HEPH: variants seen among roughly 807,000 people sequenced by gnomAD.
The protein encoded by HEPH is hephaestin.
Under a neutral mutation model 80.8 loss-of-function variants are expected in HEPH, and 69 were observed. That is an observed-to-expected ratio of 0.85 (90% CI 0.70 to 1.04). HEPH has a LOEUF of 1.04. HEPH is among the 50% of genes least tolerant of loss of function. The pLI is 0.00. For missense variants in HEPH, 1,115 were observed against 891.3 expected (o/e 1.25, Z -3.20); for synonymous variants, 431 against 322.8 (o/e 1.34, Z -3.60).
At chrX:66,196,752 C>A (rs144537765) in intron 9 of HEPH, among the ~76,000 whole-genome samples, 5 of 111,844 alleles carry the variant, frequency 4.5e-5, no homozygotes, top group Non-Finnish European at 9.4e-5. Flanking sequence ...TGTAGGCAAA[C>A]GACAGCATCA....
At position 66,208,264 on chromosome X, in the gene HEPH, G is replaced by C; in HGVS notation, c.2563+18G>C. 1 of 1,197,869 alleles carries C rather than the reference G, an allele frequency of 8.3e-7. No individual in the cohort carries two copies. Among genetic ancestry groups the C allele is most frequent in the Non-Finnish European group, 1.1e-6 (1 of 888,398 alleles). ...TGAGCCTGGTGAGTGGGGACACTTA[G>C]TGAAAGAACAAAGGACATGCATCAC... On this transcript the variant is annotated intron_variant, in intron 15 of 20. Coordinates refer to ENST00000343002, the MANE Select transcript of HEPH (RefSeq NM_001367233.3).
intron 15 of HEPH, among the ~76,000 whole-genome samples, chrX:66,241,306 T>C (rs970350941): frequency 9.0e-6 from 1 of 111,630 alleles, no homozygotes; most frequent in South Asian, 3.8e-4. Flanking sequence ...TTAAAAGGCA[T>C]GGAGTGGCAA....
At chrX:66,255,231 G>C (rs1247664917) in intron 16 of HEPH, 90 bp downstream of exon 16, 3 of 507,734 alleles carry the variant, frequency 5.9e-6, no homozygotes, top group Non-Finnish European at 9.8e-6. Flanking sequence ...TTACTCCTGA[G>C]ATTCTAGAGC....
intron 15 of HEPH, among the ~76,000 whole-genome samples, chrX:66,247,088 T>G (rs1446812539): frequency 9.0e-6 from 1 of 111,674 alleles, no homozygotes; most frequent in South Asian, 3.8e-4. Flanking sequence ...TTGTTTTGCA[T>G]CTTTTCAGGT....
intron 9 of HEPH, among the ~76,000 whole-genome samples, chrX:66,197,397 A>G (rs1393056576): frequency 1.8e-5 from 2 of 111,279 alleles, no homozygotes; most frequent in Admixed American, 9.6e-5. Flanking sequence ...GATGTTCCAA[A>G]TAAGTCTTAA....
chrX:66,234,895 T>C (rs1018993082), intron 15 of HEPH, among the ~76,000 whole-genome samples: 1 of 110,738 alleles, frequency 9.0e-6, no homozygotes, highest in Non-Finnish European at 1.9e-5. Flanking sequence ...GTGATCTGCC[T>C]ACCTCAGCCT....
chrX:66,236,932 G>T (rs964930397), intron 15 of HEPH, among the ~76,000 whole-genome samples: 1 of 111,215 alleles, frequency 9.0e-6, no homozygotes, highest in Non-Finnish European at 1.9e-5. Flanking sequence ...ATTCTTTGTT[G>T]GCTATCTGTA....
chrX:66,193,622 G>C lies in HEPH; in HGVS notation c.1353G>C (p.Arg451Ser), dbSNP rs761001851. The change falls in exon 8 of 21, where the codon AGG becomes AGC. Residue 451 changes from arginine (R) to serine (S), a missense_variant. Transcript: ENST00000343002. The stretch of plus-strand genomic sequence containing the variant: ...AGAAGATGCATTTGGAGGAAGATAG[G>C]CATCTTGGAATCCTGGGTGAGGAAT... ...FQEKMHLEED[R>S]HLGILGPVIR... is the part of the protein sequence containing the mutation. 7 of 1,185,100 alleles carry C rather than the reference G, an allele frequency of 5.9e-6. No homozygotes were observed. In the African/African-American group the frequency reaches 7.1e-5, roughly 12 times the overall value.
At chrX:66,178,517 C>T (rs929854810) in intron 4 of HEPH, among the ~76,000 whole-genome samples, 1 of 112,390 alleles carries the variant, frequency 8.9e-6, no homozygotes, top group African/African-American at 3.2e-5. Flanking sequence ...GAGGAATCAC[C>T]ACACTGTCTT....
chrX:66,256,311 G>A lies in HEPH; in HGVS notation c.2877G>A (p.Leu959=). 2.5e-6 allele frequency: 3 copies of A among 1,206,013 alleles called. No homozygotes were observed. The highest frequency in any genetic ancestry group is 3.4e-6 in the Non-Finnish European group (3 of 890,863). Residue 959 remains leucine (L), a synonymous_variant, in exon 17 of 21, where the codon TTG becomes TTA. Transcript: ENST00000343002. ...GSINLQDETF[L]ESNKMHAING... is the part of the protein sequence containing the mutation. ...TTAACCTACAGGATGAAACTTTCTTGGAGAGCAATAAAATGCATGGTCAGT... is the reference window on the plus strand; with the variant it reads ...TTAACCTACAGGATGAAACTTTCTTAGAGAGCAATAAAATGCATGGTCAGT...
At chrX:66,189,156 C>G (rs1398221036) in intron 5 of HEPH, among the ~76,000 whole-genome samples, 2 of 112,101 alleles carry the variant, frequency 1.8e-5, no homozygotes, top group Admixed American at 9.4e-5. Flanking sequence ...CCATTCATGA[C>G]AGGGGTGGGC....
At chrX:66,208,971 C>T (rs1404320351) in intron 15 of HEPH, among the ~76,000 whole-genome samples, 1 of 109,632 alleles carries the variant, frequency 9.1e-6, no homozygotes, top group Admixed American at 9.9e-5. Flanking sequence ...GCTCCTAATA[C>T]TAAATATAGA....
chrX:66,201,772 TAGAA>T (rs1176986391), intron 12 of HEPH, among the ~76,000 whole-genome samples: 2 of 112,198 alleles, frequency 1.8e-5, no homozygotes, highest in African/African-American at 6.5e-5. Context: ...TCCTCAGAAA[TAGAA>T]AGGACAATTT....
rs754282849 is a variant in HEPH at position 66,188,411 on chromosome X, C to A, written c.678C>A (p.Phe226Leu). 8.3e-7 allele frequency: 1 copy of A among 1,204,118 alleles called. No homozygotes were observed. Among genetic ancestry groups the A allele is most frequent in the Non-Finnish European group, 1.1e-6 (1 of 891,423 alleles). ...AACGCCAGGATGTAGACCATGATTT[C>A]TTCCTCCTCTTCAGTGTGGTAGATG... ...PPQRQDVDHD[F>L]FLLFSVVDEN... is the part of the protein sequence containing the mutation. The change falls in exon 5 of 21, where the codon TTC (phenylalanine) becomes TTA (leucine). Residue 226 changes from phenylalanine (F) to leucine (L), a missense_variant. By Grantham distance (22) the Phe-to-Leu change is conservative. Coordinates refer to ENST00000343002, the MANE Select transcript of HEPH (RefSeq NM_001367233.3).
At chrX:66,208,381 G>A (rs1454745275) in intron 15 of HEPH, 135 bp downstream of exon 15, 7 of 593,764 alleles carry the variant, frequency 1.2e-5, no homozygotes, top group Non-Finnish European at 1.7e-5. Flanking sequence ...CAGTTTGAGA[G>A]GCTGAGGCGG....
Position 66,189,846 on chromosome X carries a change from A to T in HEPH, c.971A>T (p.Asn324Ile). Residue 324 changes from asparagine to isoleucine, a missense_variant, in exon 6 of 21, where the codon AAC becomes ATC. Around this residue, in one of 3 missense-constraint regions of HEPH, gnomAD observed 391 missense variants for 343.6 expected, o/e 1.14. Transcript: ENST00000343002. The stretch of plus-strand genomic sequence containing the variant: ...CGTGGACACCACACTGATGTGGCTA[A>T]CATCTTTCCAGCCACCTTTGTGACT... ...TTRGHHTDVA[N>I]IFPATFVTAE... 1 of 1,208,069 alleles carries T rather than the reference A, an allele frequency of 8.3e-7. No individual in the cohort carries two copies. The highest frequency in any genetic ancestry group is 1.1e-6 in the Non-Finnish European group (1 of 893,495).
rs748601836 is a variant in HEPH at position 66,206,612 on chromosome X, C to T, written c.2292-583C>T. On this transcript the variant is annotated intron_variant, in intron 13 of 20. Coordinates refer to ENST00000343002, the MANE Select transcript of HEPH (RefSeq NM_001367233.3). ...AAACTCCTGAGCTTAAGCAATCTACCGGCCTTAGCATCCCAAAGTGCTGAG... is the reference window on the plus strand; with the variant it reads ...AAACTCCTGAGCTTAAGCAATCTACTGGCCTTAGCATCCCAAAGTGCTGAG... Among the ~76,000 whole-genome samples, 4 of 108,468 alleles carry T rather than the reference C, an allele frequency of 3.7e-5. No individual in the cohort carries two copies. The South Asian group carries it at 1.2e-3, about 33-fold the overall frequency. The allele number at this position is 108,468 out of a possible 115,157, so 94.2% of individuals were successfully genotyped here.
In HEPH at chrX:66,197,815, C is replaced by T; in HGVS notation, c.1634C>T (p.Pro545Leu). 1.7e-6 allele frequency: 2 copies of T among 1,211,080 alleles called. No individual in the cohort carries two copies. The highest frequency in any genetic ancestry group is 2.2e-6 in the Non-Finnish European group (2 of 895,202). The change falls in exon 10 of 21, where the codon CCC becomes CTC. Residue 545 changes from proline to leucine, a missense_variant. Physicochemically the swap from Pro to Leu is moderately conservative, Grantham distance 98. Coordinates refer to ENST00000343002, the MANE Select transcript of HEPH (RefSeq NM_001367233.3). ...TGGATGTACTTCTCTGCTGCAGATC[C>T]CATAAGAGACACAAATTCTGGCCTG... Reference protein sequence around the residue: ...LTWMYFSAADPIRDTNSGLVG... With the variant: ...LTWMYFSAADLIRDTNSGLVG...
upstream of HEPH, chrX:66,162,859 A>G: frequency 6.9e-6 from 8 of 1,155,002 alleles, no homozygotes; most frequent in Non-Finnish European, 9.2e-6. Context: ...CTCCTAGCCA[A>G]GATCTCCTCA....
Sources: gnomAD v4.1 joint callset for allele counts (sites outside exome capture counted in the v4.1 genomes callset) on GRCh38, gnomAD v4.1.1 for gene constraint, gnomAD v4.1.1 regional missense constraint, MANE v1.5 for transcripts, NCBI Gene and HGNC (gene_info 2026-07-23, HGNC 2026-07-21) for gene names.